EPS15: variants seen among roughly 807,000 people sequenced by gnomAD.
EPS15 encodes the protein epidermal growth factor receptor substrate 15.
In EPS15, 72 loss-of-function variants were observed where a neutral mutation model predicts 113.8. That is an observed-to-expected ratio of 0.63 (90% CI 0.52 to 0.77). The LOEUF is 0.77. Ranked by LOEUF, EPS15 falls within the 30% of genes least tolerant of loss-of-function variation. The pLI, the probability that EPS15 is intolerant of heterozygous loss-of-function variation, is 0.00. For missense variants in EPS15, 1,048 were observed against 1,045.8 expected (o/e 1.00, Z -0.03); for synonymous variants, 344 against 363.4 (o/e 0.95, Z 0.61).
intron 24 of EPS15, among the ~76,000 whole-genome samples, chr1:51,359,270 C>A (rs189437040): frequency 2.9e-4 from 44 of 151,568 alleles, no homozygotes; most frequent in African/African-American, 8.2e-4. Context: ...ATGGTGAAAC[C>A]CCGTCTCTAC....
intron 11 of EPS15, among the ~76,000 whole-genome samples, chr1:51,440,906 T>C (rs1413109043): frequency 5.3e-5 from 8 of 152,124 alleles, no homozygotes; most frequent in Admixed American, 5.2e-4. Flanking sequence ...TCAAGGAATT[T>C]TTACTTTTGT....
chr1:51,366,497 A>G (rs1646510970), intron 21 of EPS15, among the ~76,000 whole-genome samples: 1 of 152,238 alleles, frequency 6.6e-6, no homozygotes, highest in Non-Finnish European at 1.5e-5. Context: ...ATAACCCCAC[A>G]AGATGTATTC....
At chr1:51,486,089 T>C (rs1343255072) in intron 1 of EPS15, among the ~76,000 whole-genome samples, 2 of 151,254 alleles carry the variant, frequency 1.3e-5, no homozygotes, top group Non-Finnish European at 2.9e-5. Flanking sequence ...TGAGCCACCA[T>C]GCGCAGTCGA....
intron 1 of EPS15, among the ~76,000 whole-genome samples, chr1:51,483,398 A>AGT (rs58892404): frequency 0.41 from 57,318 of 141,364 alleles, 12,746 homozygotes; most frequent in East Asian, 0.63. Flanking sequence ...CAAGACTGCA[A>AGT]GTGTGTGTGT....
chr1:51,440,577 C>A (rs1652518924), intron 11 of EPS15, 145 bp from the exon 12 acceptor site: 2 of 376,328 alleles, frequency 5.3e-6, no homozygotes, highest in South Asian at 6.7e-5. Flanking sequence ...AAAATCATAT[C>A]TAGTACAATT....
At chr1:51,496,927 G>A (rs1336334759) in intron 1 of EPS15, among the ~76,000 whole-genome samples, 1 of 152,072 alleles carries the variant, frequency 6.6e-6, no homozygotes, top group Non-Finnish European at 1.5e-5. Flanking sequence ...TCGATTCTGA[G>A]TTCTAGAATT....
chr1:51,377,863 T>G (rs1020555764), intron 21 of EPS15, among the ~76,000 whole-genome samples: 1 of 151,914 alleles, frequency 6.6e-6, no homozygotes, highest in Non-Finnish European at 1.5e-5. Flanking sequence ...CCAAGAAGAT[T>G]ACAATTTGTT....
rs1649899671 is a variant in EPS15, at chr1:51,413,173, T to C, written c.1114-3477A>G. Among the ~76,000 whole-genome samples the C allele has an allele frequency of 1.3e-5, 2 of 152,168 alleles. 1 individual carries two copies. The highest frequency in any genetic ancestry group is 1.3e-4 in the Admixed American group (2 of 15,262). ...CAAGCCATAACCTCTGTCTTCAATGTCCTTCCACACCATATGTACCTGGAA... is the reference window on the plus strand; with the variant it reads ...CAAGCCATAACCTCTGTCTTCAATGCCCTTCCACACCATATGTACCTGGAA... On this transcript the variant is annotated intron_variant, in intron 13 of 24. Transcript: ENST00000371733.
chr1:51,477,147 A>T (rs191596629), intron 2 of EPS15, among the ~76,000 whole-genome samples: 1 of 152,320 alleles, frequency 6.6e-6, no homozygotes, highest in Admixed American at 6.5e-5. Flanking sequence ...TTATTGGTCT[A>T]TTCAGAGATA....
intron 1 of EPS15, among the ~76,000 whole-genome samples, chr1:51,490,959 T>C (rs531314878): frequency 2.4e-4 from 36 of 152,332 alleles, no homozygotes; most frequent in Non-Finnish European, 3.7e-4. Context: ...GAAAATTGGA[T>C]GAAGGGTGCA....
chr1:51,429,344 T>G (rs1296540014), intron 12 of EPS15, among the ~76,000 whole-genome samples: 1 of 150,802 alleles, frequency 6.6e-6, no homozygotes, highest in Non-Finnish European at 1.5e-5. Flanking sequence ...TGAAACTCTG[T>G]CTCAAAAAAA....
chr1:51,451,642 C>T (rs1653577857), intron 8 of EPS15, among the ~76,000 whole-genome samples: 1 of 151,438 alleles, frequency 6.6e-6, no homozygotes, highest in South Asian at 2.1e-4. Context: ...TGTATATCTT[C>T]TTATATTGAT....
intron 2 of EPS15, among the ~76,000 whole-genome samples, chr1:51,474,897 G>A (rs1157267366): frequency 1.5e-5 from 2 of 136,564 alleles, no homozygotes; most frequent in African/African-American, 5.6e-5. Flanking sequence ...TGTTTTCATT[G>A]TTCAATTCCC....
chr1:51,367,551 CAACA>C lies in EPS15; in HGVS notation c.2120-1526_2120-1523del, dbSNP rs201563772. Among the ~76,000 whole-genome samples, 1,056 of 151,382 alleles carry C rather than the reference CAACA, an allele frequency of 7.0e-3. 7 individuals carry two copies. The highest frequency in any genetic ancestry group is 0.024 in the African/African-American group (1,008 of 41,248). On this transcript the variant is annotated intron_variant, in intron 21 of 24. Coordinates refer to ENST00000371733, the MANE Select transcript of EPS15 (RefSeq NM_001981.3). ...CTGGGCGACAGAGCGTGTCTGTCTC[CAACA>C]AACAAACAAACAAAGTATATTTAAT...
At chr1:51,408,393 T>C in intron 14 of EPS15, 61 bp from the exon 15 acceptor site, 1 of 1,251,132 alleles carries the variant, frequency 8.0e-7, no homozygotes, top group Non-Finnish European at 1.2e-6. Flanking sequence ...CATTAAAATG[T>C]TCCAAAATGC....
At chr1:51,438,528 T>G (rs1652337453) in intron 12 of EPS15, among the ~76,000 whole-genome samples, 1 of 152,150 alleles carries the variant, frequency 6.6e-6, no homozygotes, top group South Asian at 2.1e-4. Flanking sequence ...ACACTTGAAG[T>G]CAAATCAAGC....
intron 2 of EPS15, among the ~76,000 whole-genome samples, chr1:51,474,287 G>A (rs1430215758): frequency 6.6e-6 from 1 of 152,230 alleles, no homozygotes; most frequent in Non-Finnish European, 1.5e-5. Context: ...TCATGAAAAT[G>A]ACTATACTTT....
chr1:51,376,275 G>A (rs1646795938), intron 21 of EPS15, among the ~76,000 whole-genome samples: 1 of 152,156 alleles, frequency 6.6e-6, no homozygotes, highest in Non-Finnish European at 1.5e-5. Flanking sequence ...AAATAACAAA[G>A]CCTGGATGAC....
At chr1:51,514,652 C>T (rs1644682435) in intron 1 of EPS15, among the ~76,000 whole-genome samples, 1 of 152,160 alleles carries the variant, frequency 6.6e-6, no homozygotes, top group Non-Finnish European at 1.5e-5. Flanking sequence ...TTCTATTACA[C>T]GTTAGTCTGT....
Sources: allele counts gnomAD v4.1 joint callset (sites outside exome capture counted in the v4.1 genomes callset), GRCh38; gene constraint gnomAD v4.1.1; transcripts MANE v1.5; gene names NCBI Gene and HGNC (gene_info 2026-07-23, HGNC 2026-07-21).